Variants in GTF2F2 observed in about 807,000 individuals in gnomAD.
GTF2F2 encodes ATP-dependent helicase GTF2F2.
In GTF2F2, 23 loss-of-function variants were observed where a neutral mutation model predicts 42.2. That is an observed-to-expected ratio of 0.55 (90% CI 0.39 to 0.77). The LOEUF (loss-of-function observed/expected upper bound fraction) is 0.77. Ranked by LOEUF, GTF2F2 falls within the 30% of genes least tolerant of loss-of-function variation. The pLI is 0.00. For missense variants in GTF2F2, 261 were observed against 287.2 expected, an observed-to-expected ratio of 0.91 and a Z score of 0.66; for synonymous variants, 105 against 100.8, an observed-to-expected ratio of 1.04 and a Z score of -0.25.
intron 5 of GTF2F2, among the ~76,000 whole-genome samples, chr13:45,225,302 C>A (rs1033053271): frequency 1.3e-5 from 2 of 152,190 alleles, no homozygotes; most frequent in African/African-American, 4.8e-5. Flanking sequence ...GTAATTTAAA[C>A]TATCTCAAAA....
intron 5 of GTF2F2, among the ~76,000 whole-genome samples, chr13:45,228,316 T>C (rs1874476257): frequency 1.5e-5 from 2 of 131,930 alleles, no homozygotes; most frequent in African/African-American, 3.4e-5. Context: ...GGAGTTTCAC[T>C]CTTGTTGCCA....
chr13:45,242,256 CTTTTTTTTTTTT>C (rs71184405), intron 5 of GTF2F2, among the ~76,000 whole-genome samples: 4 of 105,680 alleles, frequency 3.8e-5, no homozygotes, highest in Non-Finnish European at 5.7e-5. Flanking sequence ...GCTGGCACTT[CTTTTTTTTTTTT>C]TTTTTTTTTT....
At chr13:45,131,930 G>A (rs9595245) in intron 1 of GTF2F2, among the ~76,000 whole-genome samples, 33,257 of 145,382 alleles carry the variant, frequency 0.23, 4,302 homozygotes, top group African/African-American at 0.32. Context: ...AAGAGAGAGA[G>A]AGAAAAGGTA....
chr13:45,123,216 G>A (rs1444193509), intron 1 of GTF2F2: 2 of 152,278 alleles, frequency 1.3e-5, no homozygotes, highest in East Asian at 3.9e-4. Context: ...TGTCCCTCCC[G>A]AAGCTGCACG....
rs1173571580 is a variant in GTF2F2, at chr13:45,120,614, G to T, written c.-42G>T. On this transcript the variant is annotated 5_prime_UTR_variant, in exon 1 of 8. Coordinates refer to ENST00000340473, the MANE Select transcript of GTF2F2 (RefSeq NM_004128.3). ...CGCTCCTCAGCCCTGCGGCTCCTGG[G>T]GTCGCTGCTGCATCCCGCACGCCTC... 1 of 1,487,940 alleles carries T rather than the reference G, an allele frequency of 6.7e-7. No homozygotes were observed. Among genetic ancestry groups the T allele is most frequent in the East Asian group, 2.5e-5 (1 of 40,570 alleles). The allele number at this position is 1,487,940 out of a possible 1,614,324, so 92.2% of individuals were successfully genotyped here.
intron 4 of GTF2F2, among the ~76,000 whole-genome samples, chr13:45,197,308 C>G (rs963726654): frequency 4.0e-5 from 6 of 148,226 alleles, no homozygotes; most frequent in Non-Finnish European, 8.9e-5. Flanking sequence ...ACCAGCCTGG[C>G]CAGTATAGGG....
At chr13:45,232,474 A>AT (rs566972893) in intron 5 of GTF2F2, among the ~76,000 whole-genome samples, 5 of 151,636 alleles carry the variant, frequency 3.3e-5, no homozygotes, top group Admixed American at 6.6e-5. Context: ...TAAAAATAAA[A>AT]TTTTTTTTAA....
At chr13:45,267,104 A>T in intron 6 of GTF2F2, 129 bp from the exon 7 acceptor site, 1 of 656,038 alleles carries the variant, frequency 1.5e-6, no homozygotes, top group Non-Finnish European at 2.5e-6. Flanking sequence ...AGCTGAGATC[A>T]TGCCACTGCA....
chr13:45,255,278 T>C (rs1208992007), intron 6 of GTF2F2, among the ~76,000 whole-genome samples: 1 of 152,104 alleles, frequency 6.6e-6, no homozygotes, highest in Non-Finnish European at 1.5e-5. Flanking sequence ...GGTTATTTTA[T>C]ATGAAAGTAG....
chr13:45,173,046 T>C (rs1366455890), intron 4 of GTF2F2, among the ~76,000 whole-genome samples: 1 of 152,166 alleles, frequency 6.6e-6, no homozygotes, highest in Non-Finnish European at 1.5e-5. Flanking sequence ...ATACATCAAT[T>C]TGAAGAGTAT....
chr13:45,267,280 T>A lies in GTF2F2; in HGVS notation c.534T>A (p.Ala178=), dbSNP rs1270528842. The A allele has an allele frequency of 1.2e-6, 2 of 1,612,410 alleles. No homozygotes were observed. Among genetic ancestry groups the A allele is most frequent in the Non-Finnish European group, 1.7e-6 (2 of 1,178,532 alleles). ...AAGAAGACGGAAAGCGAGCTCGAGC[T>A]GATAAACAACATGTTTTAGACATGC... ...KKKEDGKRAR[A]DKQHVLDMLF... Residue 178 remains alanine (A), a synonymous_variant, in exon 7 of 8, where the codon GCT becomes GCA. Transcript: ENST00000340473.
chr13:45,254,734 G>C (rs1876029253), intron 6 of GTF2F2, among the ~76,000 whole-genome samples: 1 of 152,202 alleles, frequency 6.6e-6, no homozygotes, highest in Non-Finnish European at 1.5e-5. Context: ...TGAAATATCT[G>C]TAATGTAATA....
chr13:45,156,165 A>AT, intron 4 of GTF2F2, among the ~76,000 whole-genome samples: 1 of 152,206 alleles, frequency 6.6e-6, no homozygotes, highest in Non-Finnish European at 1.5e-5. Context: ...TTCAATAGAT[A>AT]TTTTTGGTGC....
chr13:45,181,200 A>ACAAC (rs1555267024), intron 4 of GTF2F2, among the ~76,000 whole-genome samples: 2 of 132,904 alleles, frequency 1.5e-5, no homozygotes, highest in Non-Finnish European at 3.3e-5. Context: ...AAAAAAAAAA[A>ACAAC]AAACCAGAAA....
At chr13:45,217,413 A>G (rs980508991) in intron 5 of GTF2F2, among the ~76,000 whole-genome samples, 6 of 151,858 alleles carry the variant, frequency 4.0e-5, no homozygotes, top group African/African-American at 1.5e-4. Flanking sequence ...AAAATAAACC[A>G]TTACTCACAT....
Position 45,236,993 on chromosome 13 carries a change from A to AT in GTF2F2, c.387-15871dup, listed in dbSNP as rs1445352292. Among the ~76,000 whole-genome samples, 4 of 152,150 alleles carry AT rather than the reference A, an allele frequency of 2.6e-5. No individual in the cohort carries two copies. In the East Asian group the frequency reaches 7.7e-4, roughly 29 times the overall value. On this transcript the variant is annotated intron_variant, in intron 5 of 7. Transcript: ENST00000340473. ...TTTCAGGAGATGTTCCAATGAAATG[A>AT]TTTTTTTCTACTTTTGTTAAACTCA...
At chr13:45,227,420 A>G (rs902853231) in intron 5 of GTF2F2, among the ~76,000 whole-genome samples, 2 of 152,266 alleles carry the variant, frequency 1.3e-5, no homozygotes, top group African/African-American at 4.8e-5. Flanking sequence ...AACCTAGGTT[A>G]TAAGGCTGGA....
intron 4 of GTF2F2, among the ~76,000 whole-genome samples, chr13:45,199,250 T>TA (rs1405872407): frequency 6.6e-6 from 1 of 152,212 alleles, no homozygotes; most frequent in Non-Finnish European, 1.5e-5. Flanking sequence ...CCTACATTGG[T>TA]AAATGTTTTA....
In GTF2F2 at chr13:45,283,638, A is replaced by G. The variant is rs192322915; in HGVS notation, c.*77A>G. ...AAAGGCGCTGATACTGGAAGGCTTG[A>G]ACACCGTATGTTAATAGGGGTTAAG... On this transcript the variant is annotated 3_prime_UTR_variant, in exon 8 of 8. Coordinates refer to ENST00000340473, the MANE Select transcript of GTF2F2 (RefSeq NM_004128.3). 7.5e-5 allele frequency: 98 copies of G among 1,302,462 alleles called. No individual in the cohort carries two copies. In the African/African-American group the frequency reaches 1.3e-3, roughly 17 times the overall value. The allele number at this position is 1,302,462 out of a possible 1,614,324, so 80.7% of individuals were successfully genotyped here. A position where few individuals can be genotyped will look rare whatever the true frequency, so the allele number is the denominator to read the frequency against.
Sources: gnomAD v4.1 joint callset for allele counts (sites outside exome capture counted in the v4.1 genomes callset) on GRCh38, gnomAD v4.1.1 for gene constraint, MANE v1.5 for transcripts, NCBI Gene and HGNC (gene_info 2026-07-23, HGNC 2026-07-21) for gene names.